PPA2: variants seen among roughly 807,000 people sequenced by gnomAD.
The protein encoded by PPA2 is inorganic pyrophosphatase 2.
PPA2 carries 48 observed loss-of-function variants against 49.5 expected under a neutral mutation model. That is an observed-to-expected ratio of 0.97 (90% CI 0.77 to 1.23). PPA2 has a LOEUF of 1.23. Ranked by LOEUF, PPA2 falls within the 50% of genes most tolerant of loss-of-function variation. The pLI, the probability that PPA2 is intolerant of heterozygous loss-of-function variation, is 0.00. For missense variants in PPA2, 429 were observed against 410.1 expected, an observed-to-expected ratio of 1.05 and a Z score of -0.40; for synonymous variants, 131 against 139.9, an observed-to-expected ratio of 0.94 and a Z score of 0.45.
At chr4:105,451,718 C>G (rs1306197026) in intron 3 of PPA2, among the ~76,000 whole-genome samples, 1 of 152,180 alleles carries the variant, frequency 6.6e-6, no homozygotes, top group Non-Finnish European at 1.5e-5. Flanking sequence ...CTACCAAAAC[C>G]ACTCACAGAT....
rs1560599983 is a variant in PPA2 at position 105,369,746 on chromosome 4, C to T, written c.984G>A (p.Val328=). 6 of 1,590,846 alleles carry T rather than the reference C, an allele frequency of 3.8e-6. No homozygotes were observed. In the South Asian group the frequency reaches 6.6e-5, roughly 18 times the overall value. The part of the protein sequence containing the change: ...PNKESNEEEQ[V]WHFLGK ...TCAATCACTTGCCAAGGAAGTGCCA[C>T]ACTTGCTCTGCATTTAAAATGGGGA... is the stretch of plus-strand genomic sequence containing the variant. The change falls in exon 12 of 12, where the codon GTG becomes GTA. Residue 328 remains valine (V), a synonymous_variant. Transcript: ENST00000341695.
chr4:105,435,048 C>T (rs1723985873), intron 6 of PPA2, among the ~76,000 whole-genome samples: 1 of 152,142 alleles, frequency 6.6e-6, no homozygotes, highest in African/African-American at 2.4e-5. Context: ...GGACTTAGAA[C>T]ATTCAAGTTT....
chr4:105,441,886 T>TA (rs1300878524), intron 5 of PPA2, among the ~76,000 whole-genome samples: 1 of 152,172 alleles, frequency 6.6e-6, no homozygotes, highest in Non-Finnish European at 1.5e-5. Context: ...TTAGGTCTCT[T>TA]AAAAAATCCC....
intron 7 of PPA2, among the ~76,000 whole-genome samples, chr4:105,413,432 A>G (rs1386498979): frequency 6.6e-6 from 1 of 152,220 alleles, no homozygotes; most frequent in African/African-American, 2.4e-5. Context: ...ACAAACCTGT[A>G]CTTTGTGCAC....
chr4:105,465,390 C>A (rs1322658507), intron 1 of PPA2, among the ~76,000 whole-genome samples: 1 of 152,190 alleles, frequency 6.6e-6, no homozygotes, highest in Non-Finnish European at 1.5e-5. Context: ...CCAAACAGCT[C>A]CTTCAGGAAC....
intron 7 of PPA2, among the ~76,000 whole-genome samples, chr4:105,412,450 C>G (rs1456597146): frequency 6.6e-6 from 1 of 152,092 alleles, no homozygotes; most frequent in Non-Finnish European, 1.5e-5. Context: ...ACTAAAACAC[C>G]AAAAGCAATG....
chr4:105,415,966 G>A (rs1262240076), intron 7 of PPA2, among the ~76,000 whole-genome samples: 1 of 152,140 alleles, frequency 6.6e-6, no homozygotes, highest in Non-Finnish European at 1.5e-5. Flanking sequence ...AGTTAATTAG[G>A]TAATTACATC....
chr4:105,419,222 A>G (rs1203170967), intron 7 of PPA2, among the ~76,000 whole-genome samples: 2 of 152,176 alleles, frequency 1.3e-5, no homozygotes, highest in African/African-American at 2.4e-5. Flanking sequence ...TTGGTTACAT[A>G]TGTATACATG....
chr4:105,426,973 T>C (rs1438271656), intron 6 of PPA2, among the ~76,000 whole-genome samples: 2 of 152,140 alleles, frequency 1.3e-5, no homozygotes, highest in African/African-American at 4.8e-5. Flanking sequence ...ACACCTCATA[T>C]AGATAGGTGC....
intron 1 of PPA2, among the ~76,000 whole-genome samples, chr4:105,457,385 T>C (rs1369119073): frequency 1.3e-5 from 2 of 152,238 alleles, no homozygotes; most frequent in African/African-American, 2.4e-5. Context: ...GCACTTTTAC[T>C]GGAATACATC....
chr4:105,393,065 C>A (rs1336060603), intron 9 of PPA2, among the ~76,000 whole-genome samples: 4 of 152,160 alleles, frequency 2.6e-5, no homozygotes, highest in Admixed American at 2.0e-4. Flanking sequence ...GAGATTACTA[C>A]AAGCACAGTG....
rs764763201 is a variant in PPA2 at position 105,474,024 on chromosome 4, G to GCAGCAGC, written c.26_27insGCTGCTG (p.Thr10LeufsTer31). 8 of 1,597,402 alleles carry GCAGCAGC rather than the reference G, an allele frequency of 5.0e-6. No individual in the cohort carries two copies. The highest frequency in any genetic ancestry group is 6.0e-6 in the Non-Finnish European group (7 of 1,172,188). On this transcript the variant is annotated frameshift_variant, in exon 1 of 12. Transcript: ENST00000341695. LOFTEE classifies it high-confidence loss of function. ...GGCACGCAGCGGCTGGGGCACCCGTGCGCAGCAGCCGCAGCAGCGCGCTCA... is the reference window on the plus strand; with the variant it reads ...GGCACGCAGCGGCTGGGGCACCCGTGCAGCAGCCGCAGCAGCCGCAGCAGCGCGCTCA...
intron 5 of PPA2, among the ~76,000 whole-genome samples, chr4:105,443,417 T>A (rs1724454189): frequency 7.5e-6 from 1 of 132,798 alleles, no homozygotes; most frequent in Admixed American, 8.4e-5. Context: ...TTTAACAGGG[T>A]CATGTCTGAA....
intron 9 of PPA2, 43 bp downstream of exon 9, chr4:105,396,206 C>T: frequency 4.8e-6 from 5 of 1,050,254 alleles, no homozygotes; most frequent in Non-Finnish European, 6.8e-6. Flanking sequence ...TGTTTAATAC[C>T]AATTAATATA....
chr4:105,424,037 T>G (rs1167212264), intron 7 of PPA2, among the ~76,000 whole-genome samples, 159 bp downstream of exon 7: 1 of 152,148 alleles, frequency 6.6e-6, no homozygotes, highest in African/African-American at 2.4e-5. Context: ...ACCAGTAGAA[T>G]GTACTTTCTT....
intron 7 of PPA2, among the ~76,000 whole-genome samples, chr4:105,402,972 C>A (rs76922868): frequency 0.035 from 5,296 of 151,940 alleles, 279 homozygotes; most frequent in African/African-American, 0.11. Flanking sequence ...AAGCAGTCCT[C>A]AAAATTCTTT....
chr4:105,409,125 T>G (rs1204788867), intron 7 of PPA2, among the ~76,000 whole-genome samples: 1 of 151,944 alleles, frequency 6.6e-6, no homozygotes, highest in Non-Finnish European at 1.5e-5. Context: ...GCACAAGGGA[T>G]CGGGGATTTC....
intron 10 of PPA2, among the ~76,000 whole-genome samples, chr4:105,373,102 G>A (rs555904999): frequency 1.3e-5 from 2 of 151,622 alleles, no homozygotes; most frequent in South Asian, 2.1e-4. Flanking sequence ...GTCTCCCAAA[G>A]TGCTAGGATA....
At chr4:105,461,063 T>C (rs147533641) in intron 1 of PPA2, among the ~76,000 whole-genome samples, 202 of 152,226 alleles carry the variant, frequency 1.3e-3, no homozygotes, top group Non-Finnish European at 2.3e-3. Context: ...TCTCAGATAA[T>C]AATAATGCTT....
Sources: allele counts gnomAD v4.1 joint callset (sites outside exome capture counted in the v4.1 genomes callset), GRCh38; gene constraint gnomAD v4.1.1; transcripts MANE v1.5; gene names NCBI Gene and HGNC (gene_info 2026-07-23, HGNC 2026-07-21).